Variants in PAG1 observed in about 807,000 individuals in gnomAD.
PAG1 encodes phosphoprotein associated with glycosphingolipid-enriched microdomains 1.
PAG1 carries 23 observed loss-of-function variants against 31.7 expected under a neutral mutation model. The observed-to-expected ratio is 0.73, with a 90% confidence interval of 0.52 to 1.03. The LOEUF (loss-of-function observed/expected upper bound fraction) is 1.03. PAG1 is among the 50% of genes least tolerant of loss of function. The pLI is 0.00. For synonymous variants in PAG1, 214 were observed against 210.3 expected (o/e 1.02, Z -0.15); for missense variants, 473 against 540.7 (o/e 0.87, Z 1.24).
chr8:81,019,495 C>T (rs1465795119), intron 3 of PAG1, among the ~76,000 whole-genome samples: 1 of 152,270 alleles, frequency 6.6e-6, no homozygotes, highest in East Asian at 1.9e-4. Flanking sequence ...GCTTCAGTTC[C>T]AGCCATGGCT....
At chr8:81,052,129 CAAA>C (rs769477091) in intron 2 of PAG1, among the ~76,000 whole-genome samples, 10 of 74,154 alleles carry the variant, frequency 1.3e-4, no homozygotes, top group African/African-American at 5.6e-5. Flanking sequence ...GACTCCATCT[CAAA>C]AAAAAAAAAA....
chr8:81,062,882 T>C (rs1023721084), intron 2 of PAG1, among the ~76,000 whole-genome samples: 22 of 152,334 alleles, frequency 1.4e-4, no homozygotes, highest in East Asian at 9.6e-4. Flanking sequence ...AATTTCACTA[T>C]GGCTGGTCTA....
chr8:81,106,572 G>A (rs1237819353), intron 1 of PAG1, among the ~76,000 whole-genome samples: 5 of 152,118 alleles, frequency 3.3e-5, no homozygotes, highest in Admixed American at 2.0e-4. Flanking sequence ...TAACATCAAG[G>A]ATGGGGGCAA....
rs79280018 is a variant in PAG1 at position 81,063,189 on chromosome 8, T to C, written c.-175+6923A>G. 7.3e-3 allele frequency among the ~76,000 whole-genome samples: 1,108 copies of C among 152,254 alleles called. 13 individuals carry two copies. The highest frequency in any genetic ancestry group is 0.023 in the African/African-American group (971 of 41,534). ...GCAGGGCCATTCCAGCCTGCGTGGG[T>C]CTCCTCTATTCGAGGCTCAGATAAG... is the stretch of plus-strand genomic sequence containing the variant. On this transcript the variant is annotated intron_variant, in intron 2 of 8. Coordinates refer to ENST00000220597, the MANE Select transcript of PAG1 (RefSeq NM_018440.4).
chr8:81,035,421 C>A (rs1266570541), intron 2 of PAG1, among the ~76,000 whole-genome samples: 1 of 152,126 alleles, frequency 6.6e-6, no homozygotes, highest in African/African-American at 2.4e-5. Context: ...CATAGTCATC[C>A]TAGTGTTCAC....
intron 1 of PAG1, among the ~76,000 whole-genome samples, chr8:81,083,594 A>G (rs1412101132): frequency 6.6e-6 from 1 of 152,096 alleles, no homozygotes; most frequent in Admixed American, 6.5e-5. Flanking sequence ...GCTAGAGTAC[A>G]ACAGTTATTA....
At chr8:80,981,832 C>T (rs559042933) in intron 7 of PAG1, among the ~76,000 whole-genome samples, 3 of 149,358 alleles carry the variant, frequency 2.0e-5, no homozygotes, top group African/African-American at 5.0e-5. Flanking sequence ...AGTCCTACTC[C>T]GAAATTCTAC....
intron 1 of PAG1, among the ~76,000 whole-genome samples, chr8:81,100,941 C>T (rs1161652028): frequency 6.6e-6 from 1 of 152,174 alleles, no homozygotes; most frequent in Non-Finnish European, 1.5e-5. Flanking sequence ...ATGCTTGTTG[C>T]CAGCGCTGCG....
At chr8:81,070,027 C>T (rs1056747827) in intron 2 of PAG1, 85 bp downstream of exon 2, 2 of 152,198 alleles carry the variant, frequency 1.3e-5, no homozygotes, top group Admixed American at 1.3e-4. Context: ...AAATCAACAA[C>T]TGATGCATGC....
intron 3 of PAG1, among the ~76,000 whole-genome samples, chr8:81,001,654 T>C (rs1807786782): frequency 6.6e-6 from 1 of 152,192 alleles, no homozygotes; most frequent in South Asian, 2.1e-4. Context: ...ACAGACTGTG[T>C]GTCTGCCAGC....
chr8:80,986,482 A>G (rs1432217841), intron 6 of PAG1, among the ~76,000 whole-genome samples: 4 of 152,206 alleles, frequency 2.6e-5, no homozygotes, highest in African/African-American at 7.2e-5. Flanking sequence ...AAGAGTACAC[A>G]ATGCATGATG....
At chr8:81,080,290 A>G (rs147127658) in intron 1 of PAG1, among the ~76,000 whole-genome samples, 133 of 152,174 alleles carry the variant, frequency 8.7e-4, no homozygotes, top group African/African-American at 3.0e-3. Flanking sequence ...AGCACCTTCA[A>G]TTCTATGGGG....
At chr8:81,007,631 T>C (rs1342547455) in intron 3 of PAG1, among the ~76,000 whole-genome samples, 1 of 70,590 alleles carries the variant, frequency 1.4e-5, no homozygotes, top group East Asian at 3.5e-4. Context: ...AGCAAGACTC[T>C]GTCTCAAAAA....
intron 1 of PAG1, among the ~76,000 whole-genome samples, chr8:81,087,373 C>T (rs1360641511): frequency 6.6e-6 from 1 of 150,544 alleles, no homozygotes; most frequent in Non-Finnish European, 1.5e-5. Context: ...ATTTTAGAAG[C>T]ATCAGCAGCA....
intron 2 of PAG1, among the ~76,000 whole-genome samples, chr8:81,065,245 A>T (rs1808983949): frequency 6.6e-6 from 1 of 152,236 alleles, no homozygotes; most frequent in Non-Finnish European, 1.5e-5. Flanking sequence ...ACAGGCTTTT[A>T]AAACTGGAAC....
At chr8:81,081,730 G>T (rs73692329) in intron 1 of PAG1, among the ~76,000 whole-genome samples, 10,320 of 151,278 alleles carry the variant, frequency 0.068, 1,162 homozygotes, top group African/African-American at 0.23. Context: ...CTCTGGAGAT[G>T]CACACTAGCT....
chr8:80,998,380 G>A (rs975408924), intron 3 of PAG1, among the ~76,000 whole-genome samples: 1 of 151,876 alleles, frequency 6.6e-6, no homozygotes, highest in Admixed American at 6.6e-5. Flanking sequence ...CACCTGCCTC[G>A]GCCTCCCAAA....
chr8:81,105,765 T>G (rs1289424045), intron 1 of PAG1, among the ~76,000 whole-genome samples: 1 of 152,118 alleles, frequency 6.6e-6, no homozygotes, highest in Non-Finnish European at 1.5e-5. Context: ...GAGTCACAAA[T>G]ACAGTGAGAC....
At chr8:80,995,891 G>C (rs763001494) in intron 3 of PAG1, among the ~76,000 whole-genome samples, 1 of 152,208 alleles carries the variant, frequency 6.6e-6, no homozygotes, top group Non-Finnish European at 1.5e-5. Context: ...AGTGCAGGGA[G>C]AAAGAGGATG....
Sources: gnomAD v4.1 joint callset for allele counts (sites outside exome capture counted in the v4.1 genomes callset) on GRCh38, gnomAD v4.1.1 for gene constraint, MANE v1.5 for transcripts, NCBI Gene and HGNC (gene_info 2026-07-23, HGNC 2026-07-21) for gene names.